The following MXI1 variants were observed in gnomAD, a reference collection of about 807,000 sequenced individuals.
MXI1 encodes the protein MAX interactor 1, dimerization protein.
In MXI1, 18 loss-of-function variants were observed where a neutral mutation model predicts 36.9. The ratio of observed to expected loss-of-function variants is 0.49; its 90% CI spans 0.34 to 0.72. MXI1 has a LOEUF of 0.72. Among genes scored for constraint, MXI1 ranks in the 30% least tolerant of loss-of-function variants. MXI1 has a pLI of 0.01. For missense variants in MXI1, 304 were observed against 379.1 expected (o/e 0.80, Z 1.64); for synonymous variants, 160 against 146.7 (o/e 1.09, Z -0.65).
chr10:110,283,543 G>A (rs907540479), intron 5 of MXI1, among the ~76,000 whole-genome samples: 3 of 143,538 alleles, frequency 2.1e-5, no homozygotes, highest in Non-Finnish European at 4.6e-5. Flanking sequence ...GGCCGCACCC[G>A]GCTGAATCCA....
intron 1 of MXI1, among the ~76,000 whole-genome samples, chr10:110,222,231 T>G (rs1329910721): frequency 6.6e-6 from 1 of 152,162 alleles, no homozygotes; most frequent in African/African-American, 2.4e-5. Context: ...TCCCCAGTGT[T>G]GATTATTTGA....
At chr10:110,227,931 C>A in intron 1 of MXI1, 2 of 458,516 alleles carry the variant, frequency 4.4e-6, no homozygotes, top group South Asian at 6.0e-5. Context: ...ATCTCAAGTT[C>A]TTGGGAGAGA....
intron 3 of MXI1, among the ~76,000 whole-genome samples, chr10:110,262,317 G>A (rs1360231204): frequency 1.3e-5 from 2 of 152,122 alleles, no homozygotes; most frequent in South Asian, 2.1e-4. Flanking sequence ...AGAGGAGGAT[G>A]TACATAGGTT....
At chr10:110,213,326 C>T (rs1660752787) in intron 1 of MXI1, among the ~76,000 whole-genome samples, 3 of 152,190 alleles carry the variant, frequency 2.0e-5, no homozygotes, top group Admixed American at 2.0e-4. Context: ...TGAATTCATA[C>T]ATTCTTCAAA....
chr10:110,279,624 C>T (rs549217557), intron 4 of MXI1, among the ~76,000 whole-genome samples: 2 of 152,306 alleles, frequency 1.3e-5, no homozygotes, highest in South Asian at 4.1e-4. Context: ...AAATACCATA[C>T]TAGAGGAAGT....
chr10:110,219,377 C>T (rs1233396826), intron 1 of MXI1, among the ~76,000 whole-genome samples: 1 of 152,174 alleles, frequency 6.6e-6, no homozygotes, highest in Non-Finnish European at 1.5e-5. Context: ...CCTTCAATAG[C>T]TTCTTTCCTG....
chr10:110,224,166 G>A (rs747676032), intron 1 of MXI1, among the ~76,000 whole-genome samples: 2 of 152,156 alleles, frequency 1.3e-5, no homozygotes, highest in Non-Finnish European at 2.9e-5. Flanking sequence ...GACCACGGGA[G>A]GGGGAAACTC....
chr10:110,250,458 C>G (rs1380193447), intron 3 of MXI1, among the ~76,000 whole-genome samples: 1 of 152,140 alleles, frequency 6.6e-6, no homozygotes, highest in Non-Finnish European at 1.5e-5. Flanking sequence ...AGACACAATT[C>G]AGTATCAGTA....
rs58677130 is a variant in MXI1 at position 110,234,191 on chromosome 10, C to A, written c.407+5870C>A. ...ACTGTTGACTGGAAGAAAGCTTTCT[C>A]TTCTAGATTTCTCCTTGCAAATGAA... On this transcript the variant is annotated intron_variant, in intron 2 of 5. Coordinates refer to ENST00000332674, the MANE Select transcript of MXI1 (RefSeq NM_130439.3). Among the ~76,000 whole-genome samples, 167 of 152,230 alleles carry A rather than the reference C, an allele frequency of 1.1e-3. 4 individuals are homozygous for A. In the East Asian group the frequency reaches 0.025, roughly 23 times the overall value.
intron 2 of MXI1, among the ~76,000 whole-genome samples, chr10:110,236,102 G>T (rs1381612897): frequency 7.7e-6 from 1 of 130,170 alleles, no homozygotes; most frequent in African/African-American, 2.9e-5. Context: ...TTTGTAGAGG[G>T]TGTGAAGTAA....
intron 2 of MXI1, among the ~76,000 whole-genome samples, chr10:110,235,101 T>G (rs1385588950): frequency 6.6e-6 from 1 of 152,220 alleles, no homozygotes; most frequent in Admixed American, 6.5e-5. Context: ...TTTCACAGCT[T>G]CTTCTGTTGT....
At chr10:110,229,284 G>A (rs923169237) in intron 2 of MXI1, among the ~76,000 whole-genome samples, 2 of 152,188 alleles carry the variant, frequency 1.3e-5, no homozygotes, top group Non-Finnish European at 2.9e-5. Context: ...GTTTCCCAGA[G>A]CTTTGTCTAG....
chr10:110,224,031 G>A (rs1198190686), intron 1 of MXI1, among the ~76,000 whole-genome samples: 1 of 152,050 alleles, frequency 6.6e-6, no homozygotes, highest in Non-Finnish European at 1.5e-5. Flanking sequence ...AAGGTATGAG[G>A]GAAAGGTAAG....
chr10:110,210,344 C>G (rs1258822876), intron 1 of MXI1: 2 of 942,624 alleles, frequency 2.1e-6, no homozygotes, highest in Non-Finnish European at 2.5e-6. Flanking sequence ...GGCCCCGCAG[C>G]CCCCCTCCTC....
intron 3 of MXI1, among the ~76,000 whole-genome samples, chr10:110,275,637 G>A (rs1199497099): frequency 6.6e-6 from 1 of 152,154 alleles, no homozygotes; most frequent in Non-Finnish European, 1.5e-5. Flanking sequence ...GCATTATTTG[G>A]ATGGGACTCT....
intron 1 of MXI1, chr10:110,226,203 C>T: frequency 2.0e-6 from 3 of 1,473,688 alleles, no homozygotes; most frequent in Admixed American, 2.2e-5. Context: ...TCGCCACCCG[C>T]GGTGCCCATG....
chr10:110,257,770 G>A, intron 3 of MXI1: 1 of 300,656 alleles, frequency 3.3e-6, no homozygotes, highest in Non-Finnish European at 6.6e-6. Context: ...GCTCTATCCA[G>A]AGACGCGTAC....
At chr10:110,233,767 A>G (rs577329460) in intron 2 of MXI1, among the ~76,000 whole-genome samples, 5 of 152,140 alleles carry the variant, frequency 3.3e-5, no homozygotes, top group South Asian at 2.1e-4. Context: ...TATGCCTTAT[A>G]CTAAAAAAAC....
chr10:110,269,332 A>G (rs889050389), intron 3 of MXI1, among the ~76,000 whole-genome samples: 2 of 152,222 alleles, frequency 1.3e-5, no homozygotes, highest in African/African-American at 4.8e-5. Context: ...AAAATGAGCT[A>G]TTATACAACT....
Sources: gnomAD v4.1 joint callset for allele counts (sites outside exome capture counted in the v4.1 genomes callset) on GRCh38, gnomAD v4.1.1 for gene constraint, MANE v1.5 for transcripts, NCBI Gene and HGNC (gene_info 2026-07-23, HGNC 2026-07-21) for gene names.